TACC2: variants seen among roughly 807,000 people sequenced by gnomAD.
TACC2 encodes the protein transforming acidic coiled-coil-containing protein 2.
A neutral mutation model predicts 227.3 loss-of-function variants in TACC2; 137 were observed. The observed-to-expected ratio is 0.60, with a 90% confidence interval of 0.52 to 0.69. The LOEUF (loss-of-function observed/expected upper bound fraction) is 0.69, where lower values mean the gene tolerates loss of function less well. Ranked by LOEUF, TACC2 falls within the 30% of genes least tolerant of loss-of-function variation. TACC2 has a pLI of 0.00. For missense variants in TACC2, 3,470 were observed against 3,694.4 expected (o/e 0.94, Z 1.57); for synonymous variants, 1,523 against 1,487.5 (o/e 1.02, Z -0.55).
In TACC2 at chr10:122,002,176, A is replaced by G. The variant is rs116955653; in HGVS notation, c.-46+12688A>G. On this transcript the variant is annotated intron_variant, in intron 1 of 22. Coordinates refer to ENST00000369005, the MANE Select transcript of TACC2 (RefSeq NM_206862.4). ...TATGATAAAGGGACCATTTCTCTCAAGTATCTTCTTACAAGGGTACTAATC... is the reference window on the plus strand; with the variant it reads ...TATGATAAAGGGACCATTTCTCTCAGGTATCTTCTTACAAGGGTACTAATC... 1.1e-3 allele frequency among the ~76,000 whole-genome samples: 162 copies of G among 152,272 alleles called. 3 individuals carry two copies. In the East Asian group the frequency reaches 0.026, roughly 25 times the overall value.
At chr10:122,045,970 G>C (rs1419359938) in intron 2 of TACC2, among the ~76,000 whole-genome samples, 1 of 1,626 alleles carries the variant, frequency 6.2e-4, no homozygotes, top group African/African-American at 2.5e-3. Context: ...TCAGGAGATC[G>C]AGACCAGCCT....
chr10:122,116,504 G>A (rs1205851864), intron 5 of TACC2, among the ~76,000 whole-genome samples: 1 of 152,174 alleles, frequency 6.6e-6, no homozygotes, highest in African/African-American at 2.4e-5. Flanking sequence ...TGAGCAAGTC[G>A]TGACGTTGTG....
At chr10:122,042,313 G>C (rs1422766736) in intron 2 of TACC2, among the ~76,000 whole-genome samples, 5 of 152,106 alleles carry the variant, frequency 3.3e-5, no homozygotes, top group Admixed American at 2.6e-4. Flanking sequence ...CACAGTCTCA[G>C]CTCACTGCAA....
intron 3 of TACC2, 22 bp from the exon 4 acceptor site, chr10:122,082,625 A>G: frequency 6.3e-7 from 1 of 1,588,396 alleles, no homozygotes; most frequent in East Asian, 2.2e-5. Flanking sequence ...ATGATAACCA[A>G]TGAAACATTA....
chr10:122,014,176 C>T (rs1476807634), intron 1 of TACC2, among the ~76,000 whole-genome samples: 2 of 151,844 alleles, frequency 1.3e-5, no homozygotes, highest in Non-Finnish European at 2.9e-5. Flanking sequence ...GGGCAAGCTG[C>T]AAAACCTCTC....
chr10:122,211,069 C>A lies in TACC2; in HGVS notation c.6644C>A (p.Pro2215His), dbSNP rs1364667209. ...TCAGAGAGTGCAGAAGGGGTTGTCC[C>A]CCCGGCTTCTGGAGGTGGCAGAGTG... ...LDSESAEGVV[P>H]PASGGGRVQN... The change falls in exon 9 of 23, where the codon CCC (proline) becomes CAC (histidine). Residue 2215 changes from proline to histidine, a missense_variant. Pro to His is a moderately conservative substitution (Grantham distance 77, BLOSUM62 -2). Around this residue, in one of 10 missense-constraint regions of TACC2, gnomAD observed 593 missense variants for 636.6 expected, o/e 0.93. Coordinates refer to ENST00000369005, the MANE Select transcript of TACC2 (RefSeq NM_206862.4). 1 of 1,612,658 alleles carries A rather than the reference C, an allele frequency of 6.2e-7. No homozygotes were observed. The highest frequency in any genetic ancestry group is 1.1e-5 in the South Asian group (1 of 90,772).
chr10:122,033,009 AAAAC>A, intron 2 of TACC2: 1 of 845,866 alleles, frequency 1.2e-6, no homozygotes, highest in East Asian at 7.0e-5. Context: ...CAAAAACAAA[AAAAC>A]CCCACAAAAA....
intron 6 of TACC2, 78 bp downstream of exon 6, chr10:122,132,812 TTCCCCTCCCC>T: frequency 1.4e-6 from 2 of 1,452,282 alleles, no homozygotes; most frequent in Middle Eastern, 2.1e-4. Context: ...CTCCCCTCCC[TTCCCCTCCCC>T]TCCTCTCTTT....
chr10:122,213,079 T>G (rs7071419), intron 9 of TACC2, among the ~76,000 whole-genome samples: 28,519 of 152,190 alleles, frequency 0.19, 3,260 homozygotes, highest in East Asian at 0.33. Context: ...CCCAACTGTG[T>G]CCTCACCTCT....
intron 2 of TACC2, among the ~76,000 whole-genome samples, chr10:122,024,447 G>C (rs73368364): frequency 0.065 from 9,943 of 152,170 alleles, 443 homozygotes; most frequent in African/African-American, 0.12. Flanking sequence ...AAACTATAAT[G>C]CAATATCACA....
chr10:122,041,143 C>G (rs1281883806), intron 2 of TACC2, among the ~76,000 whole-genome samples: 1 of 152,160 alleles, frequency 6.6e-6, no homozygotes, highest in Non-Finnish European at 1.5e-5. Context: ...GTTGCTCAGG[C>G]GCTGTGTGGT....
At chr10:122,165,871 G>A (rs878959918) in intron 7 of TACC2, among the ~76,000 whole-genome samples, 2 of 152,180 alleles carry the variant, frequency 1.3e-5, no homozygotes, top group Non-Finnish European at 2.9e-5. Flanking sequence ...TTCAAAACCC[G>A]TCTCTGCTCT....
intron 1 of TACC2, among the ~76,000 whole-genome samples, chr10:122,017,114 T>C (rs1323512089): frequency 4.6e-5 from 7 of 152,098 alleles, no homozygotes; most frequent in Non-Finnish European, 8.8e-5. Flanking sequence ...GTGGTGGTGT[T>C]ACAGCAGCCG....
In TACC2 at chr10:122,086,414, C is replaced by T; in HGVS notation, c.3914C>T (p.Pro1305Leu). 6.2e-7 allele frequency: 1 copy of T among 1,613,708 alleles called. No homozygotes were observed. The highest frequency in any genetic ancestry group is 8.5e-7 in the Non-Finnish European group (1 of 1,180,014). ...LQPGAAGGEI[P>L]AVQASSGSPK... ...CCAGGAGCTGCAGGTGGGGAAATCC[C>T]TGCAGTGCAAGCCAGCAGTGGTAGT... The change falls in exon 4 of 23, where the codon CCT becomes CTT. Residue 1305 changes from proline (P) to leucine (L), a missense_variant. Physicochemically the swap from Pro to Leu is moderately conservative, Grantham distance 98. Transcript: ENST00000369005.
chr10:122,100,132 C>T (rs1280146341), intron 5 of TACC2, among the ~76,000 whole-genome samples: 9 of 151,940 alleles, frequency 5.9e-5, no homozygotes, highest in African/African-American at 1.9e-4. Context: ...AGCGTGGTGG[C>T]GTGCGCCTGT....
chr10:122,152,901 C>G (rs2092187318), intron 7 of TACC2, among the ~76,000 whole-genome samples: 1 of 152,116 alleles, frequency 6.6e-6, no homozygotes, highest in Non-Finnish European at 1.5e-5. Context: ...CAGAGTGGCT[C>G]TAGTTTTCTT....
At chr10:122,115,839 A>C (rs750722549) in intron 5 of TACC2, among the ~76,000 whole-genome samples, 2 of 152,098 alleles carry the variant, frequency 1.3e-5, no homozygotes, top group Non-Finnish European at 2.9e-5. Flanking sequence ...GGGGTTTAGC[A>C]GGTCCTTGCA....
Position 122,083,728 on chromosome 10 carries a change from C to T in TACC2, c.1228C>T (p.Leu410Phe), listed in dbSNP as rs754156600. ...GCCTGTGAGCCCTGAACCTTCCCTG[C>T]TCACTCCGACTGAGGAAGCACATCC... ...GLPVSPEPSL[L>F]TPTEEAHPAS... is the part of the protein sequence containing the mutation. The change falls in exon 4 of 23, where the codon CTC becomes TTC. Residue 410 changes from leucine to phenylalanine, a missense_variant. Physicochemically the swap from Leu to Phe is conservative, Grantham distance 22 (BLOSUM62 0). Coordinates refer to ENST00000369005, the MANE Select transcript of TACC2 (RefSeq NM_206862.4). 6.2e-7 allele frequency: 1 copy of T among 1,613,964 alleles called. No homozygotes were observed. Among genetic ancestry groups the T allele is most frequent in the East Asian group, 2.2e-5 (1 of 44,884 alleles).
At chr10:122,069,987 C>T (rs1206498520) in intron 3 of TACC2, among the ~76,000 whole-genome samples, 1 of 152,186 alleles carries the variant, frequency 6.6e-6, no homozygotes, top group East Asian at 1.9e-4. Context: ...ATGTCTTTGA[C>T]ATTGAGCCAG....
Sources: gnomAD v4.1 joint callset for allele counts (sites outside exome capture counted in the v4.1 genomes callset) on GRCh38, gnomAD v4.1.1 for gene constraint, gnomAD v4.1.1 regional missense constraint, MANE v1.5 for transcripts, NCBI Gene and HGNC (gene_info 2026-07-23, HGNC 2026-07-21) for gene names.